CCDC178: variants seen among roughly 807,000 people sequenced by gnomAD.
The protein encoded by CCDC178 is coiled-coil domain-containing protein 178.
A neutral mutation model predicts 117.4 loss-of-function variants in CCDC178; 126 were observed. The ratio of observed to expected loss-of-function variants is 1.07; its 90% confidence interval spans 0.93 to 1.24. The LOEUF (loss-of-function observed/expected upper bound fraction) is 1.24, where lower values mean the gene tolerates loss of function less well. Ranked by LOEUF, CCDC178 falls within the 50% of genes most tolerant of loss-of-function variation. The pLI is 0.00. For synonymous variants in CCDC178, 283 were observed against 313.4 expected (o/e 0.90, Z 1.02); for missense variants, 1,030 against 986.9 (o/e 1.04, Z -0.59).
At chr18:33,156,342 C>T (rs2058396639) in intron 20 of CCDC178, among the ~76,000 whole-genome samples, 1 of 151,516 alleles carries the variant, frequency 6.6e-6, no homozygotes, top group African/African-American at 2.4e-5. Flanking sequence ...CCCGCCTCTG[C>T]CTCCCAAAGT....
chr18:33,073,193 C>A (rs899845603), intron 21 of CCDC178, among the ~76,000 whole-genome samples: 7 of 151,422 alleles, frequency 4.6e-5, no homozygotes, highest in Non-Finnish European at 8.8e-5. Flanking sequence ...GAATGAAAAT[C>A]ATTTGCAGCC....
chr18:33,393,634 G>T (rs2063592363), intron 4 of CCDC178, among the ~76,000 whole-genome samples: 1 of 152,094 alleles, frequency 6.6e-6, no homozygotes, highest in Admixed American at 6.6e-5. Context: ...ATATTTTTGA[G>T]ATTCACCAAT....
At position 33,262,582 on chromosome 18, in the gene CCDC178, T is replaced by A. The variant is rs566967718; in HGVS notation, c.1409+4334A>T. Among the ~76,000 whole-genome samples, 24 of 152,234 alleles carry A rather than the reference T, an allele frequency of 1.6e-4. 1 individual carries two copies. The South Asian group carries it at 5.0e-3, about 32-fold the overall frequency. On this transcript the variant is annotated intron_variant, in intron 14 of 22. Coordinates refer to ENST00000383096, the MANE Select transcript of CCDC178 (RefSeq NM_001105528.4). Reference sequence around the variant, plus strand: ...CTCATTATCTGGCATGATGGTTCCTTAGACTCAATGTTGTCACCTGATGGC... The same window carrying A: ...CTCATTATCTGGCATGATGGTTCCTAAGACTCAATGTTGTCACCTGATGGC...
chr18:33,066,083 G>A (rs1293877617), intron 21 of CCDC178, among the ~76,000 whole-genome samples: 3 of 151,826 alleles, frequency 2.0e-5, no homozygotes, highest in Non-Finnish European at 2.9e-5. Context: ...GGATGGTCTC[G>A]ATCTCCTGAC....
intron 21 of CCDC178, among the ~76,000 whole-genome samples, chr18:33,042,135 C>T (rs1485522786): frequency 2.6e-5 from 4 of 151,836 alleles, no homozygotes; most frequent in Non-Finnish European, 5.9e-5. Flanking sequence ...ATTCACATGA[C>T]ACCAACTACC....
intron 12 of CCDC178, among the ~76,000 whole-genome samples, chr18:33,280,845 T>C (rs2060015459): frequency 6.6e-6 from 1 of 151,954 alleles, no homozygotes; most frequent in Non-Finnish European, 1.5e-5. Flanking sequence ...CAGTAAACTA[T>C]CGCAAGGACA....
chr18:33,013,089 A>G (rs937209676), intron 21 of CCDC178, among the ~76,000 whole-genome samples: 3 of 152,174 alleles, frequency 2.0e-5, no homozygotes, highest in African/African-American at 7.2e-5. Flanking sequence ...TTCCTTTTAT[A>G]GGATTTCACT....
intron 20 of CCDC178, among the ~76,000 whole-genome samples, chr18:33,200,801 A>G (rs1368297834): frequency 2.0e-5 from 3 of 152,072 alleles, no homozygotes; most frequent in African/African-American, 7.2e-5. Context: ...CCTTATTTTA[A>G]TTGGCTTGTG....
chr18:33,033,132 T>C (rs965816773), intron 21 of CCDC178, among the ~76,000 whole-genome samples: 1 of 152,072 alleles, frequency 6.6e-6, no homozygotes, highest in Non-Finnish European at 1.5e-5. Context: ...TCTGTTACCA[T>C]AAATTATAAT....
At chr18:33,425,056 CGTAT>C (rs1321985939) in intron 2 of CCDC178, among the ~76,000 whole-genome samples, 1 of 152,132 alleles carries the variant, frequency 6.6e-6, no homozygotes, top group Non-Finnish European at 1.5e-5. Context: ...CACATATATA[CGTAT>C]GTAACAAACC....
intron 20 of CCDC178, among the ~76,000 whole-genome samples, chr18:33,189,492 A>G (rs1442760073): frequency 1.3e-5 from 2 of 152,198 alleles, no homozygotes; most frequent in African/African-American, 4.8e-5. Context: ...AATATTTAAC[A>G]CAGATATAGT....
chr18:33,179,078 A>AAAAAAAAAATATATAT, intron 20 of CCDC178, among the ~76,000 whole-genome samples: 1 of 55,852 alleles, frequency 1.8e-5, no homozygotes, highest in African/African-American at 1.1e-4. Context: ...AAAAAAAAAA[A>AAAAAAAAAATATATAT]ATATATATAT....
At chr18:33,149,462 C>G (rs1166617505) in intron 20 of CCDC178, among the ~76,000 whole-genome samples, 2 of 152,126 alleles carry the variant, frequency 1.3e-5, no homozygotes, top group African/African-American at 2.4e-5. Flanking sequence ...ATCCTTGAAG[C>G]CTTTCCGTAT....
At chr18:33,311,315 A>C (rs142543372) in intron 11 of CCDC178, among the ~76,000 whole-genome samples, 60 of 152,326 alleles carry the variant, frequency 3.9e-4, no homozygotes, top group Non-Finnish European at 7.6e-4. Flanking sequence ...CTTAAAAGTA[A>C]ATTTAGAGCT....
At chr18:33,390,893 G>A (rs956187373) in intron 4 of CCDC178, among the ~76,000 whole-genome samples, 5 of 151,230 alleles carry the variant, frequency 3.3e-5, no homozygotes, top group African/African-American at 1.2e-4. Context: ...ATAAATATAA[G>A]GTTAAAATGC....
intron 21 of CCDC178, among the ~76,000 whole-genome samples, chr18:33,016,811 T>C (rs570267993): frequency 6.6e-6 from 1 of 152,020 alleles, no homozygotes; most frequent in African/African-American, 2.4e-5. Flanking sequence ...GGAAAATATA[T>C]ACTTAACATA....
chr18:33,360,759 G>A (rs993692499), intron 6 of CCDC178, among the ~76,000 whole-genome samples: 1 of 151,498 alleles, frequency 6.6e-6, no homozygotes, highest in African/African-American at 2.4e-5. Context: ...ATTTATAACA[G>A]CATAAAATGC....
chr18:33,200,019 A>T (rs552632884), intron 20 of CCDC178, among the ~76,000 whole-genome samples: 1 of 152,274 alleles, frequency 6.6e-6, no homozygotes, highest in East Asian at 1.9e-4. Flanking sequence ...CCAAAGACTC[A>T]ACAAGTTCTG....
intron 21 of CCDC178, among the ~76,000 whole-genome samples, chr18:33,004,618 G>A (rs765758004): frequency 6.6e-5 from 10 of 152,002 alleles, no homozygotes; most frequent in Non-Finnish European, 8.8e-5. Context: ...ATGGACAAAT[G>A]GGGTCGCATA....
Sources: allele counts gnomAD v4.1 joint callset (sites outside exome capture counted in the v4.1 genomes callset), GRCh38; gene constraint gnomAD v4.1.1; transcripts MANE v1.5; gene names NCBI Gene and HGNC (gene_info 2026-07-23, HGNC 2026-07-21).